Variants in TRIM5 observed in about 807,000 individuals in gnomAD.
The protein encoded by TRIM5 is tripartite motif containing 5, also known as tripartite motif-containing protein 5.
Under a neutral mutation model 35.6 loss-of-function variants are expected in TRIM5, and 31 were observed. The ratio of observed to expected loss-of-function variants is 0.87; its 90% CI spans 0.65 to 1.18. The LOEUF (loss-of-function observed/expected upper bound fraction) is 1.18, where lower values mean the gene tolerates loss of function less well. Ranked by LOEUF, TRIM5 falls within the 50% of genes most tolerant of loss-of-function variation. TRIM5 has a pLI of 0.00. For synonymous variants in TRIM5, 243 were observed against 215.6 expected (o/e 1.13, Z -1.11); for missense variants, 609 against 591.6 (o/e 1.03, Z -0.31).
chr11:5,633,218 A>C, the TRIM5 span, among the ~76,000 whole-genome samples: 5 of 150,620 alleles, frequency 3.3e-5, no homozygotes, highest in Non-Finnish European at 7.4e-5. Context: ...GAGTCTGAAA[A>C]AGGAGTCAGC....
At chr11:5,608,279 TATC>T in the TRIM5 span, 1 of 1,558,200 alleles carries the variant, frequency 6.4e-7, no homozygotes, top group Non-Finnish European at 8.7e-7. Context: ...TCTTTATTTG[TATC>T]ATATCATGGG....
At chr11:5,640,328 TG>T in the TRIM5 span, among the ~76,000 whole-genome samples, 38 of 151,172 alleles carry the variant, frequency 2.5e-4, no homozygotes, top group African/African-American at 4.9e-4. Flanking sequence ...TGTTTTGTTT[TG>T]TTTTTTTTAT....
At chr11:5,647,982 C>A in the TRIM5 span, among the ~76,000 whole-genome samples, 5 of 152,148 alleles carry the variant, frequency 3.3e-5, no homozygotes, top group Non-Finnish European at 7.3e-5. Context: ...GCGATTTATT[C>A]TCGGTAGTTT....
At chr11:5,653,065 G>T in the TRIM5 span, among the ~76,000 whole-genome samples, 3 of 152,068 alleles carry the variant, frequency 2.0e-5, no homozygotes, top group Non-Finnish European at 4.4e-5. Context: ...TATTAGCCAG[G>T]ATGGTCTCGA....
At chr11:5,670,568 T>C (rs1262427216) in intron 4 of TRIM5, among the ~76,000 whole-genome samples, 1 of 152,156 alleles carries the variant, frequency 6.6e-6, no homozygotes, top group Non-Finnish European at 1.5e-5. Flanking sequence ...ACCCTGGCCA[T>C]GCTAAAGACA....
chr11:5,615,542 G>A, the TRIM5 span, among the ~76,000 whole-genome samples: 1 of 150,038 alleles, frequency 6.7e-6, no homozygotes, highest in South Asian at 2.1e-4. Context: ...ACTTTGTTAG[G>A]TATTAATTTA....
rs770399303 is a variant in TRIM5, at chr11:5,679,072, G to C, written c.513+2C>G. On this transcript the variant is annotated splice_donor_variant, in intron 3 of 7. Transcript: ENST00000380034. LOFTEE classifies it high-confidence loss of function. ...ACTCCTTCGGGAACCACATCCTCTT[G>C]CCTTCCAGGAAGCTTTCTCTTCTCT... 1 of 1,613,306 alleles carries C rather than the reference G, an allele frequency of 6.2e-7. No individual in the cohort carries two copies. The highest frequency in any genetic ancestry group is 1.1e-5 in the South Asian group (1 of 91,066).
the TRIM5 span, chr11:5,642,796 C>G: frequency 6.2e-7 from 1 of 1,613,874 alleles, no homozygotes; most frequent in Non-Finnish European, 8.5e-7. Context: ...ATCAGCATCA[C>G]TGAATCTTTT....
the TRIM5 span, among the ~76,000 whole-genome samples, chr11:5,614,058 G>A: frequency 6.6e-6 from 1 of 152,084 alleles, no homozygotes; most frequent in East Asian, 1.9e-4. Context: ...CAATTATTAG[G>A]GTAAGTTCAC....
chr11:5,636,951 C>G, the TRIM5 span, among the ~76,000 whole-genome samples: 1 of 152,144 alleles, frequency 6.6e-6, no homozygotes, highest in Admixed American at 6.5e-5. Flanking sequence ...TCGAGATCAT[C>G]CTGGCTAACA....
chr11:5,684,167 C>T (rs1852824387), intron 1 of TRIM5: 2 of 175,130 alleles, frequency 1.1e-5, no homozygotes, highest in Admixed American at 6.4e-5. Context: ...CAAGAACCCA[C>T]CAATTCCGGA....
intron 4 of TRIM5, among the ~76,000 whole-genome samples, chr11:5,673,410 A>C (rs955548241): frequency 1.3e-5 from 2 of 152,146 alleles, no homozygotes; most frequent in African/African-American, 4.8e-5. Context: ...ACCTAACAAC[A>C]GGGCTTCAAA....
chr11:5,616,224 T>C, the TRIM5 span, among the ~76,000 whole-genome samples: 3 of 147,064 alleles, frequency 2.0e-5, 1 homozygote, highest in East Asian at 6.5e-4. Context: ...GTGCTGGGAT[T>C]ACAGGCGTGA....
chr11:5,611,890 G>C, the TRIM5 span: 3 of 152,290 alleles, frequency 2.0e-5, no homozygotes, highest in African/African-American at 7.2e-5. Flanking sequence ...ATTTGATGCA[G>C]GTTTTTTTTG....
chr11:5,659,604 T>A (rs935415087), downstream of TRIM5, among the ~76,000 whole-genome samples: 2 of 152,248 alleles, frequency 1.3e-5, no homozygotes, highest in Non-Finnish European at 2.9e-5. Flanking sequence ...AATTCAAATA[T>A]TCTTGCTGTA....
chr11:5,680,490 T>A (rs1298453593), intron 1 of TRIM5, among the ~76,000 whole-genome samples: 1 of 152,230 alleles, frequency 6.6e-6, no homozygotes, highest in Non-Finnish European at 1.5e-5. Flanking sequence ...TTCTTTACTT[T>A]CAATGAATAG....
the TRIM5 span, chr11:5,633,942 C>G: frequency 6.2e-7 from 1 of 1,606,712 alleles, no homozygotes; most frequent in Non-Finnish European, 8.5e-7. Flanking sequence ...GGAATCTTGA[C>G]AGGACCTTAA....
At chr11:5,656,676 A>G in the TRIM5 span, among the ~76,000 whole-genome samples, 1 of 152,196 alleles carries the variant, frequency 6.6e-6, no homozygotes, top group Non-Finnish European at 1.5e-5. Context: ...TTCTTAAAAG[A>G]AGACATTTAT....
rs777262222 is a variant in TRIM5, at chr11:5,664,994, T to C, written c.1297A>G (p.Ile433Val). ...AAAACTCCAACACGATCAGGACAAATAATCACAGAGAGGGGCACAATGAAA... is the reference window on the plus strand; with the variant it reads ...AAAACTCCAACACGATCAGGACAAACAATCACAGAGAGGGGCACAATGAAA... ...VPFIVPLSVI[I>V]CPDRVGVFLD... The change falls in exon 8 of 8, where the codon ATT (isoleucine) becomes GTT (valine). Residue 433 changes from isoleucine to valine, a missense_variant. Coordinates refer to ENST00000380034, the MANE Select transcript of TRIM5 (RefSeq NM_033034.3). 6.2e-7 allele frequency: 1 copy of C among 1,613,968 alleles called. No individual in the cohort carries two copies. Among genetic ancestry groups the C allele is most frequent in the Non-Finnish European group, 8.5e-7 (1 of 1,180,014 alleles).
Sources: allele counts gnomAD v4.1 joint callset (sites outside exome capture counted in the v4.1 genomes callset), GRCh38; gene constraint gnomAD v4.1.1; transcripts MANE v1.5; gene names NCBI Gene and HGNC (gene_info 2026-07-23, HGNC 2026-07-21).